Variants in UPP2 observed in about 807,000 individuals in gnomAD.
The protein encoded by UPP2 is uridine phosphorylase 2, also known as UPase 2.
A neutral mutation model predicts 26.7 loss-of-function variants in UPP2; 23 were observed. That is an observed-to-expected ratio of 0.86 (90% confidence interval 0.62 to 1.22). The LOEUF (loss-of-function observed/expected upper bound fraction) is 1.22, where lower values mean the gene tolerates loss of function less well. UPP2 is among the 50% of genes most tolerant of loss of function. The probability of loss-of-function intolerance (pLI) is 0.00; values close to 1 mark genes in which losing one functional copy is unlikely to be tolerated. For missense variants in UPP2, 387 were observed against 396.7 expected, an observed-to-expected ratio of 0.98 and a Z score of 0.21; for synonymous variants, 127 against 141.3, an observed-to-expected ratio of 0.90 and a Z score of 0.72.
chr2:158,083,669 G>A (rs1682764543), intron 3 of UPP2, among the ~76,000 whole-genome samples: 1 of 151,460 alleles, frequency 6.6e-6, no homozygotes, highest in African/African-American at 2.4e-5. Flanking sequence ...CAAACCTGTA[G>A]GTTCTGTGCA....
At chr2:158,032,515 T>C (rs1683937548) in intron 3 of UPP2, among the ~76,000 whole-genome samples, 1 of 151,944 alleles carries the variant, frequency 6.6e-6, no homozygotes, top group African/African-American at 2.4e-5. Flanking sequence ...AGGGGAAATA[T>C]TAAGAGCTGT....
At chr2:158,058,449 G>GTGTGTGTT (rs1682296674) in intron 3 of UPP2, among the ~76,000 whole-genome samples, 1 of 142,086 alleles carries the variant, frequency 7.0e-6, no homozygotes, top group African/African-American at 2.5e-5. Context: ...GTGTGTGTGT[G>GTGTGTGTT]TACGCGCATG....
chr2:158,101,907 T>C lies in UPP2; in HGVS notation c.-157T>C, dbSNP rs1683082964. 2 of 1,355,932 alleles carry C rather than the reference T, an allele frequency of 1.5e-6. No homozygotes were observed. The highest frequency in any genetic ancestry group is 6.7e-5 in the Admixed American group (2 of 30,036). 84.0% of individuals were successfully genotyped at this position (1,355,932 alleles called of 1,614,324 possible). On this transcript the variant is annotated 5_prime_UTR_variant, in exon 1 of 7. Coordinates refer to ENST00000005756, the MANE Select transcript of UPP2 (RefSeq NM_173355.4). Reference sequence around the variant, plus strand: ...AAATTTAAAATGCTAAAGGAAAAATTTTCTTAGCAATTTCACAGGAAAACC... The same window carrying C: ...AAATTTAAAATGCTAAAGGAAAAATCTTCTTAGCAATTTCACAGGAAAACC...
At chr2:158,123,639 C>A in intron 5 of UPP2, 110 bp from the exon 6 acceptor site, 1 of 1,316,518 alleles carries the variant, frequency 7.6e-7, no homozygotes, top group Non-Finnish European at 1.0e-6. Flanking sequence ...GGGGAGCACG[C>A]TGTAGAGTTA....
chr2:158,079,655 AC>A (rs1352607217), intron 3 of UPP2, among the ~76,000 whole-genome samples: 1 of 152,064 alleles, frequency 6.6e-6, no homozygotes, highest in Admixed American at 6.6e-5. Flanking sequence ...TCTCTTACAT[AC>A]ATTTTTTTCA....
chr2:158,001,310 A>T (rs1683401983), intron 2 of UPP2, among the ~76,000 whole-genome samples: 1 of 152,198 alleles, frequency 6.6e-6, no homozygotes, highest in African/African-American at 2.4e-5. Flanking sequence ...GGAGTAGTGC[A>T]GTACCCTGGG....
chr2:158,036,070 T>C (rs952305109), intron 3 of UPP2, among the ~76,000 whole-genome samples: 3 of 152,156 alleles, frequency 2.0e-5, no homozygotes, highest in Non-Finnish European at 4.4e-5. Flanking sequence ...CTAAAAGAAC[T>C]CAAGCTCACA....
chr2:158,112,080 C>T (rs1049229915), intron 2 of UPP2, among the ~76,000 whole-genome samples: 1 of 152,106 alleles, frequency 6.6e-6, no homozygotes, highest in African/African-American at 2.4e-5. Context: ...TTCCAGTTGC[C>T]TATTTTGCAG....
At position 158,074,525 on chromosome 2, in the gene UPP2, C is replaced by T. The variant is rs574553086; in HGVS notation, c.148-27515C>T. Reference sequence around the variant, plus strand: ...TTAAGTTGACATCACTTTAAAACAACGGGTTATATGACAGTATTTACAGGC... The same window carrying T: ...TTAAGTTGACATCACTTTAAAACAATGGGTTATATGACAGTATTTACAGGC... On this transcript the variant is annotated intron_variant, in intron 3 of 9. Transcript: ENST00000605860. Among the ~76,000 whole-genome samples the T allele has an allele frequency of 5.8e-4, 88 of 151,952 alleles. 1 individual carries two copies. Among genetic ancestry groups the T allele is most frequent in the African/African-American group, 2.0e-3 (81 of 41,442 alleles).
intron 6 of UPP2, among the ~76,000 whole-genome samples, chr2:158,128,795 G>A (rs139434628): frequency 6.6e-6 from 1 of 152,212 alleles, no homozygotes; most frequent in African/African-American, 2.4e-5. Context: ...AGTGTGGTGA[G>A]CAGATAGTTG....
intron 2 of UPP2, among the ~76,000 whole-genome samples, chr2:158,008,434 C>G (rs1683526928): frequency 6.6e-6 from 1 of 152,138 alleles, no homozygotes; most frequent in African/African-American, 2.4e-5. Context: ...ATTGCTTTTA[C>G]CAGTTACAGA....
intron 3 of UPP2, among the ~76,000 whole-genome samples, chr2:158,054,839 T>C (rs1267612704): frequency 6.6e-6 from 1 of 152,210 alleles, no homozygotes; most frequent in Non-Finnish European, 1.5e-5. Context: ...TTTAAGTGTA[T>C]ATACAATTCA....
intron 2 of UPP2, among the ~76,000 whole-genome samples, chr2:158,112,176 TGGA>T (rs1000870079): frequency 7.5e-4 from 114 of 152,228 alleles, no homozygotes; most frequent in African/African-American, 2.6e-3. Flanking sequence ...AGAAAAAAGT[TGGA>T]GGACTCGCAC....
intron 6 of UPP2, among the ~76,000 whole-genome samples, chr2:158,132,998 C>T (rs993281263): frequency 6.6e-6 from 1 of 152,184 alleles, no homozygotes; most frequent in African/African-American, 2.4e-5. Context: ...CCCATATAAG[C>T]TAGCAATCCC....
rs115822364 is a variant in UPP2, at chr2:158,018,082, C to T, written c.147+2196C>T. On this transcript the variant is annotated intron_variant, in intron 3 of 9. Transcript: ENST00000605860. ...CTGACTTAGGCATTTCTTCTCTTTC[C>T]CACTGAAGACACATAGAATAACTAG... Among the ~76,000 whole-genome samples the T allele has an allele frequency of 3.9e-3, 591 of 152,264 alleles. 3 individuals are homozygous for T. Among genetic ancestry groups the T allele is most frequent in the African/African-American group, 0.012 (502 of 41,542 alleles).
At chr2:158,074,630 A>C (rs528751746) in intron 3 of UPP2, among the ~76,000 whole-genome samples, 1 of 151,660 alleles carries the variant, frequency 6.6e-6, no homozygotes, top group South Asian at 2.1e-4. Flanking sequence ...TACACCAGAG[A>C]AAATCACCTT....
chr2:158,087,536 T>A (rs114689632), intron 3 of UPP2, among the ~76,000 whole-genome samples: 1,556 of 152,304 alleles, frequency 0.01, 29 homozygotes, highest in African/African-American at 0.035. Flanking sequence ...CGCTATTTGT[T>A]GCCTGAATAC....
intron 2 of UPP2, among the ~76,000 whole-genome samples, chr2:158,107,104 T>C (rs60375671): frequency 0.022 from 3,427 of 152,324 alleles, 107 homozygotes; most frequent in African/African-American, 0.078. Context: ...CAAATGAATA[T>C]TTTGTAACTA....
At chr2:158,075,925 A>G (rs1682623327) in intron 3 of UPP2, among the ~76,000 whole-genome samples, 1 of 151,802 alleles carries the variant, frequency 6.6e-6, no homozygotes. Context: ...ATAAATTGAG[A>G]AACCTTTAGC....
Sources: gnomAD v4.1 joint callset for allele counts (sites outside exome capture counted in the v4.1 genomes callset) on GRCh38, gnomAD v4.1.1 for gene constraint, MANE v1.5 for transcripts, NCBI Gene and HGNC (gene_info 2026-07-23, HGNC 2026-07-21) for gene names.